Variants in GRM7 observed in about 807,000 individuals in gnomAD.
GRM7 encodes the protein metabotropic glutamate receptor 7.
A neutral mutation model predicts 84.5 loss-of-function variants in GRM7; 35 were observed. That is an observed-to-expected ratio of 0.41 (90% CI 0.32 to 0.55). The LOEUF (loss-of-function observed/expected upper bound fraction) is 0.55, where lower values mean the gene tolerates loss of function less well. Among genes scored for constraint, GRM7 ranks in the 20% least tolerant of loss-of-function variants. The probability of loss-of-function intolerance (pLI) is 0.19; values close to 1 mark genes in which losing one functional copy is unlikely to be tolerated. For synonymous variants in GRM7, 487 were observed against 455.1 expected, an observed-to-expected ratio of 1.07 and a Z score of -0.89; for missense variants, 1,003 against 1,194.6, an observed-to-expected ratio of 0.84 and a Z score of 2.36.
At chr3:7,401,118 A>C (rs1303319571) in intron 4 of GRM7, among the ~76,000 whole-genome samples, 2 of 152,132 alleles carry the variant, frequency 1.3e-5, no homozygotes, top group East Asian at 1.9e-4. Context: ...AATTTCTGCT[A>C]TAATTAATTG....
chr3:7,440,304 A>T (rs1036455366), intron 5 of GRM7, among the ~76,000 whole-genome samples: 2 of 152,284 alleles, frequency 1.3e-5, no homozygotes, highest in African/African-American at 4.8e-5. Context: ...TATTTTGGTA[A>T]TTTATTTCTG....
chr3:6,902,227 C>A (rs920201181), intron 1 of GRM7, among the ~76,000 whole-genome samples: 1 of 152,084 alleles, frequency 6.6e-6, no homozygotes, highest in African/African-American at 2.4e-5. Flanking sequence ...TACTTCAGGT[C>A]CACAGAAATT....
intron 2 of GRM7, among the ~76,000 whole-genome samples, chr3:7,157,120 G>T (rs1426311413): frequency 6.6e-6 from 1 of 152,232 alleles, no homozygotes; most frequent in Non-Finnish European, 1.5e-5. Context: ...CCACCAGAAG[G>T]ATGAGTCAGC....
chr3:7,454,347 C>G (rs1575360506), intron 6 of GRM7, among the ~76,000 whole-genome samples: 1 of 152,086 alleles, frequency 6.6e-6, no homozygotes. Context: ...TTTGAATAGT[C>G]TCAACTCTTA....
At chr3:7,069,755 T>G (rs1697794431) in intron 1 of GRM7, among the ~76,000 whole-genome samples, 1 of 152,066 alleles carries the variant, frequency 6.6e-6, no homozygotes, top group Admixed American at 6.6e-5. Context: ...AACACATGGG[T>G]TGGGGAGGAG....
chr3:7,298,770 C>T lies in GRM7; in HGVS notation c.823C>T (p.Leu275=), dbSNP rs913593492. The change falls in exon 3 of 10, where the codon CTG becomes TTG. Residue 275 remains leucine, a synonymous_variant. Coordinates refer to ENST00000357716, the MANE Select transcript of GRM7 (RefSeq NM_000844.4). ...CTTTGATAGAATTATCAAACAGCTCCTGGACACCCCCAACTCCAGGGCCGT... is the reference window on the plus strand; with the variant it reads ...CTTTGATAGAATTATCAAACAGCTCTTGGACACCCCCAACTCCAGGGCCGT... The part of the protein sequence containing the change: ...IDFDRIIKQL[L]DTPNSRAVVI... The T allele has an allele frequency of 6.2e-7, 1 of 1,613,588 alleles. No homozygotes were observed. The highest frequency in any genetic ancestry group is 1.3e-5 in the African/African-American group (1 of 74,880).
At chr3:7,464,369 A>G (rs1207661659) in intron 7 of GRM7, among the ~76,000 whole-genome samples, 1 of 152,228 alleles carries the variant, frequency 6.6e-6, no homozygotes, top group Non-Finnish European at 1.5e-5. Flanking sequence ...GAGACTTCTT[A>G]AATATACTAC....
chr3:7,165,806 G>C lies in GRM7; in HGVS notation c.736+19138G>C, dbSNP rs188561010. Among the ~76,000 whole-genome samples the C allele has an allele frequency of 3.9e-5, 6 of 152,110 alleles. No individual in the cohort carries two copies. The East Asian group carries it at 1.2e-3, about 29-fold the overall frequency. On this transcript the variant is annotated intron_variant, in intron 2 of 9. Transcript: ENST00000357716. Reference sequence around the variant, plus strand: ...GTTTATAATTTCAGTTGTACTATCTGGGTTTCATCATTTGCATTCTAATAA... The same window carrying C: ...GTTTATAATTTCAGTTGTACTATCTCGGTTTCATCATTTGCATTCTAATAA...
At chr3:7,297,757 C>T (rs1699861830) in intron 2 of GRM7, among the ~76,000 whole-genome samples, 1 of 152,188 alleles carries the variant, frequency 6.6e-6, no homozygotes, top group Non-Finnish European at 1.5e-5. Context: ...TTACCTGTCT[C>T]TGCCCCTGGG....
chr3:6,915,510 A>T (rs1040204113), intron 1 of GRM7, among the ~76,000 whole-genome samples: 17 of 152,202 alleles, frequency 1.1e-4, no homozygotes, highest in African/African-American at 4.1e-4. Context: ...CTCAACGTTC[A>T]TCTTTTCATA....
intron 1 of GRM7, among the ~76,000 whole-genome samples, chr3:6,868,272 G>A (rs115803189): frequency 0.014 from 2,137 of 152,270 alleles, 11 homozygotes; most frequent in Middle Eastern, 0.031. Context: ...TACGTATACT[G>A]CTCAGTTGTT....
At chr3:6,985,370 C>G (rs1694370890) in intron 1 of GRM7, among the ~76,000 whole-genome samples, 1 of 152,060 alleles carries the variant, frequency 6.6e-6, no homozygotes. Context: ...CTACCCTTCC[C>G]AGCCTCTGGT....
At chr3:6,969,437 G>A (rs1331341202) in intron 1 of GRM7, among the ~76,000 whole-genome samples, 1 of 152,168 alleles carries the variant, frequency 6.6e-6, no homozygotes, top group African/African-American at 2.4e-5. Flanking sequence ...GTCGCATAGT[G>A]TATCAGTGAA....
intron 4 of GRM7, among the ~76,000 whole-genome samples, chr3:7,333,875 G>A (rs781241957): frequency 3.6e-4 from 54 of 151,932 alleles, no homozygotes; most frequent in Non-Finnish European, 1.5e-4. Flanking sequence ...TTCAGAGCTC[G>A]AAGACAAGGC....
chr3:7,190,074 T>C (rs1477651311), intron 2 of GRM7, among the ~76,000 whole-genome samples: 1 of 152,162 alleles, frequency 6.6e-6, no homozygotes, highest in Non-Finnish European at 1.5e-5. Context: ...TGAACAATTA[T>C]AAAGTTCTCC....
intron 8 of GRM7, among the ~76,000 whole-genome samples, chr3:7,665,428 G>A (rs1401312469): frequency 6.6e-6 from 1 of 151,986 alleles, no homozygotes; most frequent in African/African-American, 2.4e-5. Context: ...ACCCGCCTCG[G>A]CCTCCCAAAG....
At chr3:6,967,210 A>G (rs999684550) in intron 1 of GRM7, among the ~76,000 whole-genome samples, 1 of 151,840 alleles carries the variant, frequency 6.6e-6, no homozygotes, top group African/African-American at 2.4e-5. Context: ...TTTTTTGGAG[A>G]CAGAGTCTGG....
rs565837698 is a variant in GRM7, at chr3:7,462,059, T to C, written c.1515+337T>C. On this transcript the variant is annotated intron_variant, in intron 7 of 9. Coordinates refer to ENST00000357716, the MANE Select transcript of GRM7 (RefSeq NM_000844.4). ...TTTTATTTCTTCTGCCTCCCCCCAT[T>C]CCTTCCTTTTTCTTCTTTATTTGAT... Among the ~76,000 whole-genome samples, 104 of 152,212 alleles carry C rather than the reference T, an allele frequency of 6.8e-4. 1 individual carries two copies. Among genetic ancestry groups the C allele is most frequent in the Admixed American group, 6.7e-3 (103 of 15,282 alleles).
At chr3:7,483,955 T>G (rs1204379867) in intron 7 of GRM7, among the ~76,000 whole-genome samples, 1 of 152,172 alleles carries the variant, frequency 6.6e-6, no homozygotes, top group Non-Finnish European at 1.5e-5. Context: ...GTGTTACTAT[T>G]GAAAGTGCTA....
Sources: gnomAD v4.1 joint callset for allele counts (sites outside exome capture counted in the v4.1 genomes callset) on GRCh38, gnomAD v4.1.1 for gene constraint, MANE v1.5 for transcripts, NCBI Gene and HGNC (gene_info 2026-07-23, HGNC 2026-07-21) for gene names.